RPS27L: variants seen among roughly 807,000 people sequenced by gnomAD.
RPS27L encodes ribosomal protein S27 like.
A neutral mutation model predicts 12.8 loss-of-function variants in RPS27L; 10 were observed. That is an observed-to-expected ratio of 0.78 (90% CI 0.48 to 1.33). The LOEUF (loss-of-function observed/expected upper bound fraction) is 1.33. RPS27L is among the 40% of genes most tolerant of loss of function. RPS27L has a pLI of 0.00. For synonymous variants in RPS27L, 26 were observed against 32.3 expected (o/e 0.81, Z 0.66); for missense variants, 81 against 97.4 (o/e 0.83, Z 0.71).
Position 63,153,754 on chromosome 15 carries a change from T to G in RPS27L, c.*278A>C. ...AAAAAAAAAAAAAGACACAAACTAATCAGAATAAATTTTAAAATGTTTAAA... is the reference window on the plus strand; with the variant it reads ...AAAAAAAAAAAAAGACACAAACTAAGCAGAATAAATTTTAAAATGTTTAAA... On this transcript the variant is annotated 3_prime_UTR_variant, in exon 4 of 4. Coordinates refer to ENST00000330964, the MANE Select transcript of RPS27L (RefSeq NM_015920.4). 2 of 308,954 alleles carry G rather than the reference T, an allele frequency of 6.5e-6. No individual in the cohort carries two copies. The allele number at this position is 308,954 out of a possible 1,614,324, so 19.1% of individuals were successfully genotyped here.
chr15:63,157,114 C>A, intron 1 of RPS27L: 2 of 519,674 alleles, frequency 3.8e-6, no homozygotes, highest in Non-Finnish European at 6.9e-6. Context: ...AGATCACAAC[C>A]TCAGGGGCAT....
chr15:63,155,577 A>G, intron 3 of RPS27L, 44 bp downstream of exon 3: 1 of 1,210,514 alleles, frequency 8.3e-7, no homozygotes, highest in South Asian at 1.3e-5. Flanking sequence ...GACATTTATA[A>G]TCATCAATCT....
intron 1 of RPS27L, 126 bp downstream of exon 1, chr15:63,157,274 C>A (rs1438116952): frequency 2.8e-6 from 3 of 1,084,964 alleles, no homozygotes; most frequent in African/African-American, 1.6e-5. Context: ...GAAGACGCTG[C>A]GCAACCTGAG....
At position 63,152,355 on chromosome 15, in the gene RPS27L, T is replaced by C. The variant is rs1041283056; in HGVS notation, c.*1677A>G. 6.6e-6 allele frequency: 1 copy of C among 152,158 alleles called. No individual in the cohort carries two copies. The allele number at this position is 152,158 out of a possible 1,614,324, so 9.4% of individuals were successfully genotyped here. ...GCTACTAGAGTTGTTAGAACATAAG[T>C]TAATAAATGTAACTGTTAGGTATTT... On this transcript the variant is annotated 3_prime_UTR_variant, in exon 4 of 4. Transcript: ENST00000330964.
chr15:63,154,348 C>T (rs1157481164), intron 3 of RPS27L: 1 of 347,700 alleles, frequency 2.9e-6, no homozygotes, highest in Non-Finnish European at 5.1e-6. Flanking sequence ...TTCAAGCAAG[C>T]TGTCAGAAGA....
chr15:63,157,433 C>T lies in RPS27L; in HGVS notation c.-28G>A, dbSNP rs1419814728. On this transcript the variant is annotated 5_prime_UTR_variant, in exon 1 of 4. Coordinates refer to ENST00000330964, the MANE Select transcript of RPS27L (RefSeq NM_015920.4). ...TGATCCTCTTGCAAGCTCAGCCCTA[C>T]CAGACCTCCCAGCCCACACAGCTAG... 2 of 1,613,694 alleles carry T rather than the reference C, an allele frequency of 1.2e-6. No individual in the cohort carries two copies. Among genetic ancestry groups the T allele is most frequent in the African/African-American group, 2.7e-5 (2 of 74,936 alleles).
intron 2 of RPS27L, 94 bp from the exon 3 acceptor site, chr15:63,155,825 T>C (rs1282036009): frequency 1.5e-6 from 1 of 684,560 alleles, no homozygotes; most frequent in East Asian, 3.3e-5. Context: ...ATCAGTAACT[T>C]CAGTGCTATG....
At chr15:63,154,206 C>T in intron 3 of RPS27L, 146 bp from the exon 4 acceptor site, 1 of 635,388 alleles carries the variant, frequency 1.6e-6, no homozygotes, top group South Asian at 2.1e-5. Context: ...CCTTTTATAC[C>T]AGAAATTTGC....
chr15:63,154,133 C>T (rs35018260), intron 3 of RPS27L, 73 bp from the exon 4 acceptor site: 137,116 of 1,229,288 alleles, frequency 0.11, 12,140 homozygotes, highest in East Asian at 0.45. Context: ...ACAAAAAGTA[C>T]TTTTAAGTAA....
rs1595721725 is a variant in RPS27L, at chr15:63,152,438, TAA to T, written c.*1592_*1593del. ...CTGAGATTCTAATGATGTCAGAAAC[TAA>T]AAGTCTGAGAATCTCTGGGTCATCT... On this transcript the variant is annotated 3_prime_UTR_variant, in exon 4 of 4. Transcript: ENST00000330964. 1 of 151,436 alleles carries T rather than the reference TAA, an allele frequency of 6.6e-6. No homozygotes were observed. The highest frequency in any genetic ancestry group is 2.4e-5 in the African/African-American group (1 of 41,274). 9.4% of individuals were successfully genotyped at this position (151,436 alleles called of 1,614,324 possible).
rs1259688786 is a variant in RPS27L, at chr15:63,148,292, T to A, written c.*5740A>T. 6.6e-6 allele frequency: 1 copy of A among 151,972 alleles called. No individual in the cohort carries two copies. The highest frequency in any genetic ancestry group is 2.4e-5 in the African/African-American group (1 of 41,396). 9.4% of individuals were successfully genotyped at this position (151,972 alleles called of 1,614,324 possible). On this transcript the variant is annotated 3_prime_UTR_variant, in exon 4 of 4. Coordinates refer to ENST00000330964, the MANE Select transcript of RPS27L (RefSeq NM_015920.4). ...AATTTTATTGATGCAGTCTTCAGTT[T>A]AAAAGTTTGTCACATAAAAATGAAT...
chr15:63,157,272 T>C, intron 1 of RPS27L, 128 bp downstream of exon 1: 1 of 1,067,594 alleles, frequency 9.4e-7, no homozygotes, highest in Non-Finnish European at 1.4e-6. Flanking sequence ...GCGAAGACGC[T>C]GCGCAACCTG....
At position 63,155,765 on chromosome 15, in the gene RPS27L, A is replaced by C. The variant is rs180753672; in HGVS notation, c.116-34T>G. The C allele has an allele frequency of 1.8e-4, 240 of 1,322,260 alleles. 1 individual carries two copies. The highest frequency in any genetic ancestry group is 1.1e-3 in the Admixed American group (39 of 36,054). 81.9% of individuals were successfully genotyped at this position (1,322,260 alleles called of 1,614,324 possible). ...AAAAAAAGGCAATGTTAAAAATGAAAAGCAGAGGAAAACAGCACCTGTTCG... is the reference window on the plus strand; with the variant it reads ...AAAAAAAGGCAATGTTAAAAATGAACAGCAGAGGAAAACAGCACCTGTTCG... On this transcript the variant is annotated intron_variant, in intron 2 of 3. Transcript: ENST00000330964.
chr15:63,155,986 A>G (rs1435436941), intron 2 of RPS27L, among the ~76,000 whole-genome samples: 1 of 152,206 alleles, frequency 6.6e-6, no homozygotes, highest in Non-Finnish European at 1.5e-5. Flanking sequence ...TCTGTGCTAC[A>G]TCGTCAAAAT....
Position 63,157,430 on chromosome 15 carries a change from C to G in RPS27L, c.-25G>C. 2 of 1,614,014 alleles carry G rather than the reference C, an allele frequency of 1.2e-6. No homozygotes were observed. The highest frequency in any genetic ancestry group is 1.7e-6 in the Non-Finnish European group (2 of 1,179,866). The stretch of plus-strand genomic sequence containing the variant: ...TGTTGATCCTCTTGCAAGCTCAGCC[C>G]TACCAGACCTCCCAGCCCACACAGC... On this transcript the variant is annotated 5_prime_UTR_variant, in exon 1 of 4. Transcript: ENST00000330964.
chr15:63,154,242 T>G (rs574319627), intron 3 of RPS27L, 182 bp from the exon 4 acceptor site: 17 of 576,062 alleles, frequency 3.0e-5, no homozygotes, highest in Non-Finnish European at 5.3e-5. Flanking sequence ...ATATCTGAGT[T>G]TACTCTGGTA....
At position 63,154,295 on chromosome 15, in the gene RPS27L, G is replaced by C. The variant is rs1039883291; in HGVS notation, c.227-235C>G. Reference sequence around the variant, plus strand: ...CCTGTTTCTCAAATGCTATAATGAAGTCTACTTAAGACCATGAGCCTGAAT... The same window carrying C: ...CCTGTTTCTCAAATGCTATAATGAACTCTACTTAAGACCATGAGCCTGAAT... On this transcript the variant is annotated intron_variant, in intron 3 of 3. Coordinates refer to ENST00000330964, the MANE Select transcript of RPS27L (RefSeq NM_015920.4). The C allele has an allele frequency of 2.2e-5, 10 of 464,962 alleles. No individual in the cohort carries two copies. In the Admixed American group the frequency reaches 2.3e-4, roughly 11 times the overall value. The allele number at this position is 464,962 out of a possible 1,614,324, so 28.8% of individuals were successfully genotyped here.
At position 63,153,726 on chromosome 15, in the gene RPS27L, C is replaced by CAAA. The variant is rs35597192; in HGVS notation, c.*303_*305dup. ...AGTGACAGAGCAGGACTCTCTCTCTCAAAAAAAAAAAAAAAGACACAAACT... is the reference window on the plus strand; with the variant it reads ...AGTGACAGAGCAGGACTCTCTCTCTCAAAAAAAAAAAAAAAAAAGACACAAACT... On this transcript the variant is annotated 3_prime_UTR_variant, in exon 4 of 4. Transcript: ENST00000330964. The CAAA allele has an allele frequency of 1.2e-3, 230 of 189,864 alleles. 1 individual carries two copies. The highest frequency in any genetic ancestry group is 3.2e-3 in the East Asian group (21 of 6,620). The allele number at this position is 189,864 out of a possible 1,614,324, so 11.8% of individuals were successfully genotyped here. A position where few individuals can be genotyped will look rare whatever the true frequency, so the allele number is the denominator to read the frequency against.
rs1421366681 is a variant in RPS27L, at chr15:63,152,954, A to C, written c.*1078T>G. The C allele has an allele frequency of 6.6e-6, 1 of 152,242 alleles. No individual in the cohort carries two copies. The highest frequency in any genetic ancestry group is 1.5e-5 in the Non-Finnish European group (1 of 68,058). 9.4% of individuals were successfully genotyped at this position (152,242 alleles called of 1,614,324 possible). On this transcript the variant is annotated 3_prime_UTR_variant, in exon 4 of 4. Transcript: ENST00000330964. ...TTTTAAATACCTGCCACAAGGTAAC[A>C]AATCAAATAGAAGCAGAGTAGAAAC...
Sources: allele counts gnomAD v4.1 joint callset (sites outside exome capture counted in the v4.1 genomes callset), GRCh38; gene constraint gnomAD v4.1.1; transcripts MANE v1.5; gene names NCBI Gene and HGNC (gene_info 2026-07-23, HGNC 2026-07-21).